Variants in PGGT1B observed in about 807,000 individuals in gnomAD.
The protein encoded by PGGT1B is protein geranylgeranyltransferase type I subunit beta.
A neutral mutation model predicts 46.1 loss-of-function variants in PGGT1B; 30 were observed. That is an observed-to-expected ratio of 0.65 (90% CI 0.49 to 0.88). PGGT1B has a LOEUF of 0.88. Ranked by LOEUF, PGGT1B falls within the 40% of genes least tolerant of loss-of-function variation. The probability of loss-of-function intolerance (pLI) is 0.00; values close to 1 mark genes in which losing one functional copy is unlikely to be tolerated. For synonymous variants in PGGT1B, 170 were observed against 160.0 expected (o/e 1.06, Z -0.47); for missense variants, 376 against 455.9 (o/e 0.82, Z 1.60).
intron 2 of PGGT1B, among the ~76,000 whole-genome samples, chr5:115,244,009 C>T (rs1390973059): frequency 6.6e-6 from 1 of 152,128 alleles, no homozygotes; most frequent in African/African-American, 2.4e-5. Context: ...TTATACTGAG[C>T]CCACCTGTAC....
chr5:115,252,352 A>T (rs1306564106), intron 2 of PGGT1B, among the ~76,000 whole-genome samples: 1 of 152,012 alleles, frequency 6.6e-6, no homozygotes, highest in Non-Finnish European at 1.5e-5. Flanking sequence ...CAAACAGAGA[A>T]AACCTTTCTT....
At chr5:115,221,793 T>A in intron 7 of PGGT1B, 31 bp downstream of exon 7, 2 of 1,382,160 alleles carry the variant, frequency 1.4e-6, no homozygotes, top group South Asian at 2.6e-5. Context: ...ACACAGAATA[T>A]AGGTTTCTCA....
chr5:115,235,490 C>T (rs1290176656), intron 5 of PGGT1B, among the ~76,000 whole-genome samples: 1 of 152,060 alleles, frequency 6.6e-6, no homozygotes, highest in Admixed American at 6.6e-5. Context: ...ACTAACTTTA[C>T]AGAGAAAACT....
rs1756234490 is a variant in PGGT1B at position 115,211,709 on chromosome 5, T to G, written c.*693A>C. The G allele has an allele frequency of 6.6e-6, 1 of 151,888 alleles. No individual in the cohort carries two copies. The highest frequency in any genetic ancestry group is 1.5e-5 in the Non-Finnish European group (1 of 67,924). The allele number at this position is 151,888 out of a possible 1,614,324, so 9.4% of individuals were successfully genotyped here. On this transcript the variant is annotated 3_prime_UTR_variant, in exon 9 of 9. Transcript: ENST00000419445. ...TAAATGACCCACATAGCACAAAACT[T>G]TCTCATTCACAATCACATACAGTTA...
rs1291109706 is a variant in PGGT1B at position 115,237,957 on chromosome 5, G to A, written c.380C>T (p.Thr127Ile). The change falls in exon 4 of 9, where the codon ACT (threonine) becomes ATT (isoleucine). Residue 127 changes from threonine (T) to isoleucine (I), a missense_variant. Transcript: ENST00000419445. ...YDSGHIAMTY[T>I]GLSCLVILGD... ...AAGAATAACTAAGCATGAGAGGCCA[G>A]TGTAGGTCATTGCAATGTGGCCACT... The A allele has an allele frequency of 8.1e-6, 13 of 1,612,218 alleles. No homozygotes were observed. The highest frequency in any genetic ancestry group is 1.0e-5 in the Non-Finnish European group (12 of 1,179,144).
chr5:115,227,695 C>T (rs1756830942), intron 6 of PGGT1B, among the ~76,000 whole-genome samples: 1 of 152,152 alleles, frequency 6.6e-6, no homozygotes, highest in Non-Finnish European at 1.5e-5. Context: ...GGTTCTTCTC[C>T]ATCTTCTTCC....
chr5:115,257,530 C>CAAAAAAAAAAAAAAAAAAAAA (rs1169870044), intron 1 of PGGT1B, among the ~76,000 whole-genome samples: 1 of 72,114 alleles, frequency 1.4e-5, no homozygotes, highest in Non-Finnish European at 2.6e-5. Context: ...AACTCCATCT[C>CAAAAAAAAAAAAAAAAAAAAA]AAAAAAAAAA....
intron 4 of PGGT1B, among the ~76,000 whole-genome samples, chr5:115,237,058 G>A (rs1044830141): frequency 2.0e-5 from 3 of 152,150 alleles, no homozygotes; most frequent in South Asian, 2.1e-4. Flanking sequence ...GAATAAGGAA[G>A]CAATAATCAA....
Position 115,256,803 on chromosome 5 carries a change from T to C in PGGT1B, c.141-3548A>G, listed in dbSNP as rs3805582. Among the ~76,000 whole-genome samples the C allele has an allele frequency of 2.3e-4, 35 of 152,332 alleles. No individual in the cohort carries two copies. In the East Asian group the frequency reaches 4.1e-3, roughly 18 times the overall value. ...AATGTAGGGTTTTATGGTTCCTAGATGACTTCTACTTGGGAATAAACTGCT... is the reference window on the plus strand; with the variant it reads ...AATGTAGGGTTTTATGGTTCCTAGACGACTTCTACTTGGGAATAAACTGCT... On this transcript the variant is annotated intron_variant, in intron 1 of 8. Transcript: ENST00000419445.
At chr5:115,234,065 C>T (rs1332333395) in intron 5 of PGGT1B, among the ~76,000 whole-genome samples, 22 of 151,446 alleles carry the variant, frequency 1.5e-4, no homozygotes, top group Non-Finnish European at 2.9e-5. Flanking sequence ...AACCATGGTA[C>T]ATCTGCACAT....
rs1748623213 is a variant in PGGT1B, at chr5:115,262,804, C to T, written c.48G>A (p.Glu16=). The T allele has an allele frequency of 1.2e-6, 2 of 1,612,942 alleles. No homozygotes were observed. Among genetic ancestry groups the T allele is most frequent in the South Asian group, 1.1e-5 (1 of 91,022 alleles). The change falls in exon 1 of 9, where the codon GAG becomes GAA. Residue 16 remains glutamate, a synonymous_variant. Coordinates refer to ENST00000419445, the MANE Select transcript of PGGT1B (RefSeq NM_005023.4). ...DERLAGSGEG[E]RLDFLRDRHV... ...GCCGATCCCGTAAGAAATCCAGCCG[C>T]TCTCCCTCACCGCTCCCTGCTAGCC... is the stretch of plus-strand genomic sequence containing the variant.
At chr5:115,248,622 A>G (rs1215589114) in intron 2 of PGGT1B, among the ~76,000 whole-genome samples, 1 of 152,196 alleles carries the variant, frequency 6.6e-6, no homozygotes, top group Non-Finnish European at 1.5e-5. Context: ...ATAATCCTGG[A>G]GTTAAGTGGA....
chr5:115,212,127 A>G lies in PGGT1B; in HGVS notation c.*275T>C, dbSNP rs1756251275. 2.7e-6 allele frequency: 1 copy of G among 375,564 alleles called. No homozygotes were observed. The allele number at this position is 375,564 out of a possible 1,614,324, so 23.3% of individuals were successfully genotyped here. ...AAGAGTTTTTAAAAAGATAACCTAC[A>G]CACATACAGTTAATTTGCCTCAAAC... is the stretch of plus-strand genomic sequence containing the variant. On this transcript the variant is annotated 3_prime_UTR_variant, in exon 9 of 9. Transcript: ENST00000419445.
intron 5 of PGGT1B, among the ~76,000 whole-genome samples, chr5:115,233,042 T>C (rs963133909): frequency 6.6e-6 from 1 of 151,656 alleles, no homozygotes; most frequent in Admixed American, 6.6e-5. Flanking sequence ...AAGAGAACAA[T>C]CTTAAACTAG....
chr5:115,241,456 T>C (rs1417992020), intron 3 of PGGT1B, 83 bp downstream of exon 3: 1 of 753,158 alleles, frequency 1.3e-6, no homozygotes, highest in African/African-American at 1.8e-5. Flanking sequence ...AGCCTGTTTT[T>C]TTCTGTGTAA....
intron 1 of PGGT1B, among the ~76,000 whole-genome samples, chr5:115,255,791 C>T (rs1748285083): frequency 6.6e-6 from 1 of 151,862 alleles, no homozygotes; most frequent in African/African-American, 2.4e-5. Context: ...GAATATAAAG[C>T]CCAAAAAATT....
intron 5 of PGGT1B, among the ~76,000 whole-genome samples, chr5:115,233,612 A>ACC (rs1165387351): frequency 6.6e-6 from 1 of 151,858 alleles, no homozygotes; most frequent in African/African-American, 2.4e-5. Flanking sequence ...CCAAAGGCTA[A>ACC]CTCTGGCCTG....
chr5:115,244,347 C>A (rs1747708786), intron 2 of PGGT1B, among the ~76,000 whole-genome samples: 1 of 150,932 alleles, frequency 6.6e-6, no homozygotes, highest in Admixed American at 6.6e-5. Context: ...CGCCTGTAGT[C>A]CCAGCTACTC....
chr5:115,209,474 C>G lies in PGGT1B; in HGVS notation c.*2928G>C, dbSNP rs1756160405. On this transcript the variant is annotated 3_prime_UTR_variant, in exon 9 of 9. Coordinates refer to ENST00000419445, the MANE Select transcript of PGGT1B (RefSeq NM_005023.4). ...TGTTGTAGTTCTCCAATTTGCAGAG[C>G]TGTCAGAAACCAGCTGCCTTCCTTC... The G allele has an allele frequency of 6.6e-6, 1 of 152,092 alleles. No homozygotes were observed. Among genetic ancestry groups the G allele is most frequent in the African/African-American group, 2.4e-5 (1 of 41,428 alleles). The allele number at this position is 152,092 out of a possible 1,614,324, so 9.4% of individuals were successfully genotyped here. A position where few individuals can be genotyped will look rare whatever the true frequency, so the allele number is the denominator to read the frequency against.
Sources: allele counts gnomAD v4.1 joint callset (sites outside exome capture counted in the v4.1 genomes callset), GRCh38; gene constraint gnomAD v4.1.1; transcripts MANE v1.5; gene names NCBI Gene and HGNC (gene_info 2026-07-23, HGNC 2026-07-21).